Variants in REPS2 observed in about 807,000 individuals in gnomAD.
REPS2 encodes ralBP1-associated Eps domain-containing protein 2.
REPS2 carries 23 observed loss-of-function variants against 53.6 expected under a neutral mutation model. The ratio of observed to expected loss-of-function variants is 0.43; its 90% CI spans 0.31 to 0.61. The LOEUF (loss-of-function observed/expected upper bound fraction) is 0.61. Among genes scored for constraint, REPS2 ranks in the 20% least tolerant of loss-of-function variants. The pLI, the probability that REPS2 is intolerant of heterozygous loss-of-function variation, is 0.11. For missense variants in REPS2, 446 were observed against 534.9 expected, an observed-to-expected ratio of 0.83 and a Z score of 1.64; for synonymous variants, 238 against 218.6, an observed-to-expected ratio of 1.09 and a Z score of -0.78.
intron 2 of REPS2, among the ~76,000 whole-genome samples, chrX:17,010,855 G>A (rs748319111): frequency 1.8e-5 from 2 of 111,155 alleles, no homozygotes; most frequent in South Asian, 3.8e-4. Context: ...CAACCTTGTC[G>A]GCACTTGAGA....
intron 1 of REPS2, among the ~76,000 whole-genome samples, chrX:16,949,555 A>C (rs1444875027): frequency 1.8e-5 from 2 of 111,081 alleles, no homozygotes; most frequent in African/African-American, 6.6e-5. Context: ...CTACAGGCGC[A>C]CGCCACCTCT....
chrX:16,965,357 CG>C (rs2060742797), intron 1 of REPS2, among the ~76,000 whole-genome samples: 1 of 109,838 alleles, frequency 9.1e-6, no homozygotes, highest in Non-Finnish European at 1.9e-5. Context: ...GCTGGCCGGG[CG>C]GGGGGCTGAC....
intron 9 of REPS2, 50 bp from the exon 10 acceptor site, chrX:17,068,352 C>T (rs768330127): frequency 1.5e-5 from 16 of 1,074,796 alleles, no homozygotes; most frequent in Non-Finnish European, 2.0e-5. Context: ...GTGCGCATCA[C>T]TTAATTTCTG....
In REPS2 at chrX:17,003,714, A is replaced by G. The variant is rs146169208; in HGVS notation, c.274-2507A>G. ...TACATTTTCAAATCTTTCTAAGGAA[A>G]CCTTTAATAATACTTGAGAGAAGCT... On this transcript the variant is annotated intron_variant, in intron 1 of 17. Coordinates refer to ENST00000357277, the MANE Select transcript of REPS2 (RefSeq NM_004726.3). 6.6e-3 allele frequency among the ~76,000 whole-genome samples: 741 copies of G among 111,968 alleles called. 8 individuals are homozygous for G. Among genetic ancestry groups the G allele is most frequent in the Non-Finnish European group, 0.012 (640 of 53,130 alleles).
At chrX:16,957,561 C>G (rs1602499906) in intron 1 of REPS2, among the ~76,000 whole-genome samples, 1 of 111,297 alleles carries the variant, frequency 9.0e-6, no homozygotes, top group African/African-American at 3.3e-5. Context: ...GATGATATAC[C>G]AACAGTTTTT....
chrX:17,158,912 A>G, the REPS2 span, among the ~76,000 whole-genome samples: 1 of 112,040 alleles, frequency 8.9e-6, no homozygotes, highest in South Asian at 3.7e-4. Flanking sequence ...TCTTTACCTG[A>G]CCAGCCTCAG....
intron 1 of REPS2, among the ~76,000 whole-genome samples, chrX:17,004,827 G>A (rs2061343835): frequency 9.4e-6 from 1 of 106,494 alleles, no homozygotes; most frequent in South Asian, 4.2e-4. Flanking sequence ...TGAAAATATA[G>A]TTGTTATTTT....
intron 14 of REPS2, among the ~76,000 whole-genome samples, chrX:17,123,964 C>A (rs2063174434): frequency 8.9e-6 from 1 of 112,719 alleles, no homozygotes; most frequent in Non-Finnish European, 1.9e-5. Context: ...ATAATAGTAG[C>A]TGCTGTTGTC....
chrX:16,987,036 A>G (rs1487178818), intron 1 of REPS2, among the ~76,000 whole-genome samples: 1 of 108,588 alleles, frequency 9.2e-6, no homozygotes, highest in Non-Finnish European at 1.9e-5. Context: ...CAGCCTCCCC[A>G]GTAGCTGGAA....
At chrX:17,072,921 C>G (rs72616034) in intron 11 of REPS2, among the ~76,000 whole-genome samples, 2 of 112,354 alleles carry the variant, frequency 1.8e-5, no homozygotes, top group South Asian at 3.7e-4. Context: ...TCCAGGCTTT[C>G]CTGCACTCTG....
chrX:17,160,367 G>C, the REPS2 span, among the ~76,000 whole-genome samples: 1 of 112,437 alleles, frequency 8.9e-6, no homozygotes, highest in South Asian at 3.7e-4. Flanking sequence ...GTGACTCACA[G>C]ATTCTCACAA....
At chrX:17,146,446 C>A (rs2063516243) in intron 17 of REPS2, among the ~76,000 whole-genome samples, 1 of 111,681 alleles carries the variant, frequency 9.0e-6, no homozygotes, top group South Asian at 3.8e-4. Context: ...AGGGCACTCT[C>A]TCTCCTTTCT....
chrX:17,154,650 T>C (rs1336519773), downstream of REPS2, among the ~76,000 whole-genome samples: 20 of 112,726 alleles, frequency 1.8e-4, no homozygotes, highest in Non-Finnish European at 3.7e-4. Context: ...GTTTCCTCCC[T>C]TTAGCCAATG....
intron 8 of REPS2, among the ~76,000 whole-genome samples, chrX:17,060,967 G>A (rs1166870925): frequency 9.0e-6 from 1 of 111,162 alleles, no homozygotes; most frequent in African/African-American, 3.3e-5. Context: ...CTTGCAATGG[G>A]GAGGTGACAG....
intron 13 of REPS2, among the ~76,000 whole-genome samples, chrX:17,085,302 G>A (rs768086198): frequency 1.3e-4 from 14 of 111,948 alleles, no homozygotes; most frequent in Non-Finnish European, 2.6e-4. Flanking sequence ...TTGAAATTGC[G>A]AAGCGTGAGT....
chrX:17,163,336 G>A, the REPS2 span, among the ~76,000 whole-genome samples: 1 of 111,300 alleles, frequency 9.0e-6, no homozygotes, highest in Non-Finnish European at 1.9e-5. Flanking sequence ...AAATGAACAG[G>A]GCCTCAGAGG....
chrX:17,003,393 C>T (rs775211865), intron 1 of REPS2, among the ~76,000 whole-genome samples: 1 of 111,093 alleles, frequency 9.0e-6, no homozygotes, highest in Admixed American at 9.6e-5. Context: ...AGAGACATGA[C>T]GATGTTGGAA....
In REPS2 at chrX:17,077,552, T is replaced by G. The variant is rs367788784; in HGVS notation, c.1516+145T>G. On this transcript the variant is annotated intron_variant, in intron 13 of 17. Transcript: ENST00000357277. Reference sequence around the variant, plus strand: ...TGAAGGTCTTCACGTGGCTATGGTATTCTTGGGAGAGAAAGCAATTCTAGA... The same window carrying G: ...TGAAGGTCTTCACGTGGCTATGGTAGTCTTGGGAGAGAAAGCAATTCTAGA... 5 of 555,524 alleles carry G rather than the reference T, an allele frequency of 9.0e-6. No individual in the cohort carries two copies. The African/African-American group carries it at 1.2e-4, about 13-fold the overall frequency. The allele number at this position is 555,524 out of a possible 1,213,427, so 45.8% of individuals were successfully genotyped here.
chrX:17,009,801 C>T (rs747021250), intron 2 of REPS2, among the ~76,000 whole-genome samples: 1 of 111,355 alleles, frequency 9.0e-6, no homozygotes, highest in Non-Finnish European at 1.9e-5. Flanking sequence ...CAGTAGTCTG[C>T]TTGTTGTACT....
Sources: gnomAD v4.1 joint callset for allele counts (sites outside exome capture counted in the v4.1 genomes callset) on GRCh38, gnomAD v4.1.1 for gene constraint, MANE v1.5 for transcripts, NCBI Gene and HGNC (gene_info 2026-07-23, HGNC 2026-07-21) for gene names.